Variants in UBAP2 observed in about 807,000 individuals in gnomAD.
UBAP2 encodes the protein ubiquitin-associated protein 2.
Under a neutral mutation model 139.6 loss-of-function variants are expected in UBAP2, and 75 were observed. The ratio of observed to expected loss-of-function variants is 0.54; its 90% CI spans 0.45 to 0.65. The LOEUF is 0.65. Among genes scored for constraint, UBAP2 ranks in the 30% least tolerant of loss-of-function variants. The probability of loss-of-function intolerance (pLI) is 0.00; values close to 1 mark genes in which losing one functional copy is unlikely to be tolerated. For missense variants in UBAP2, 1,368 were observed against 1,369.6 expected (o/e 1.00, Z 0.02); for synonymous variants, 526 against 526.2 (o/e 1.00, Z 0.01).
chr9:33,929,032 G>A (rs13287325), intron 19 of UBAP2, among the ~76,000 whole-genome samples: 17,015 of 152,140 alleles, frequency 0.11, 1,311 homozygotes, highest in Non-Finnish European at 0.16. Context: ...GCTCCAAGGC[G>A]TCTTGTTCCT....
chr9:33,938,633 C>A (rs1345635676), intron 16 of UBAP2, among the ~76,000 whole-genome samples: 1 of 151,890 alleles, frequency 6.6e-6, no homozygotes, highest in Non-Finnish European at 1.5e-5. Context: ...CCTGTCTCTA[C>A]TAAAAATACA....
rs199686348 is a variant in UBAP2, at chr9:33,923,904, G to A, written c.2687C>T (p.Thr896Ile). ...AGGATTCACGAAGGGCTGCTGGGCT[G>A]TGTGGTGGGTCTGTGATTGGCTCTG... Reference protein sequence around the residue: ...PQQSQSQTHHTAQQPFVNPAL... With the variant: ...PQQSQSQTHHIAQQPFVNPAL... The change falls in exon 24 of 29, where the codon ACA (threonine) becomes ATA (isoleucine). Residue 896 changes from threonine (T) to isoleucine (I), a missense_variant. Coordinates refer to ENST00000379238, the MANE Select transcript of UBAP2 (RefSeq NM_001370062.2). 139 of 1,614,108 alleles carry A rather than the reference G, an allele frequency of 8.6e-5. 2 individuals are homozygous for A. The highest frequency in any genetic ancestry group is 3.4e-6 in the Non-Finnish European group (4 of 1,180,040).
At chr9:33,926,926 G>C in intron 21 of UBAP2, 63 bp downstream of exon 21, 1 of 1,537,974 alleles carries the variant, frequency 6.5e-7, no homozygotes, top group Non-Finnish European at 9.0e-7. Flanking sequence ...CCAGGTTCCT[G>C]CCAGGTGCCA....
At chr9:34,022,685 A>G (rs1427899227) in intron 1 of UBAP2, among the ~76,000 whole-genome samples, 1 of 151,824 alleles carries the variant, frequency 6.6e-6, no homozygotes, top group Non-Finnish European at 1.5e-5. Context: ...GTGATCCACC[A>G]GCCTCAGCCT....
chr9:33,931,393 A>G (rs542161313), intron 19 of UBAP2, among the ~76,000 whole-genome samples: 36 of 152,208 alleles, frequency 2.4e-4, no homozygotes, highest in Non-Finnish European at 4.7e-4. Context: ...GCAGGCTGGA[A>G]TACATGGTCT....
At chr9:33,968,142 A>T in intron 8 of UBAP2, 1 of 571,454 alleles carries the variant, frequency 1.7e-6, no homozygotes, top group South Asian at 1.4e-5. Context: ...AACAGGACAC[A>T]GACAAATCCA....
chr9:34,047,840 C>A (rs773413060), intron 1 of UBAP2, among the ~76,000 whole-genome samples: 1 of 152,198 alleles, frequency 6.6e-6, no homozygotes, highest in Non-Finnish European at 1.5e-5. Context: ...TTTTTAAAAT[C>A]TCTCAACTGT....
At position 33,922,460 on chromosome 9, in the gene UBAP2, T is replaced by G; in HGVS notation, c.*44A>C. The G allele has an allele frequency of 6.3e-7, 1 of 1,584,468 alleles. No individual in the cohort carries two copies. Among genetic ancestry groups the G allele is most frequent in the East Asian group, 2.3e-5 (1 of 44,148 alleles). On this transcript the variant is annotated 3_prime_UTR_variant, in exon 29 of 29. Coordinates refer to ENST00000379238, the MANE Select transcript of UBAP2 (RefSeq NM_001370062.2). ...AAATACGTGCTCGTGTGTTCTCTCC[T>G]GCCCAGGATAAGCCTTGCCCCAGCC...
intron 2 of UBAP2, among the ~76,000 whole-genome samples, chr9:34,016,575 G>A (rs1187867777): frequency 6.8e-6 from 1 of 146,518 alleles, no homozygotes; most frequent in Non-Finnish European, 1.5e-5. Context: ...TTTTTTTTTA[G>A]GAAGGAGTCT....
At chr9:34,036,106 T>C (rs1826341296) in intron 1 of UBAP2, among the ~76,000 whole-genome samples, 1 of 151,990 alleles carries the variant, frequency 6.6e-6, no homozygotes, top group Non-Finnish European at 1.5e-5. Flanking sequence ...TTCAGGAATT[T>C]GATACTTTTT....
At chr9:33,981,689 C>T (rs1168641461) in intron 6 of UBAP2, among the ~76,000 whole-genome samples, 1 of 151,624 alleles carries the variant, frequency 6.6e-6, no homozygotes, top group Admixed American at 6.6e-5. Context: ...TATAGAACTG[C>T]TTGAGTTCAT....
At chr9:33,923,508 G>A in intron 24 of UBAP2, 30 bp from the exon 25 acceptor site, 5 of 1,606,360 alleles carry the variant, frequency 3.1e-6, no homozygotes, top group Non-Finnish European at 4.3e-6. Flanking sequence ...AGGTATTAGT[G>A]TAGGAAGAGG....
intron 22 of UBAP2, among the ~76,000 whole-genome samples, chr9:33,924,921 C>T (rs1823288551): frequency 6.6e-6 from 1 of 152,210 alleles, no homozygotes; most frequent in Admixed American, 6.5e-5. Context: ...AGCTCATCAG[C>T]TATCTTTAAT....
rs1826528930 is a variant in UBAP2, at chr9:33,955,978, G to A, written c.866+101C>T. ...TAAAAGTTAGCCTTGGATAAAAAGGGAAAAAATAGAAAGAGACCCAAAAAT... is the reference window on the plus strand; with the variant it reads ...TAAAAGTTAGCCTTGGATAAAAAGGAAAAAAATAGAAAGAGACCCAAAAAT... On this transcript the variant is annotated intron_variant, in intron 11 of 28. Coordinates refer to ENST00000379238, the MANE Select transcript of UBAP2 (RefSeq NM_001370062.2). 12 of 897,500 alleles carry A rather than the reference G, an allele frequency of 1.3e-5. No homozygotes were observed. The South Asian group carries it at 2.1e-4, about 16-fold the overall frequency. 55.6% of individuals were successfully genotyped at this position (897,500 alleles called of 1,614,324 possible).
At chr9:33,924,356 G>C (rs918026131) in intron 22 of UBAP2, 72 bp from the exon 23 acceptor site, 1 of 1,462,722 alleles carries the variant, frequency 6.8e-7, no homozygotes, top group East Asian at 2.3e-5. Flanking sequence ...ACCAGCACAT[G>C]GAAGTGGTGA....
chr9:33,996,159 G>T, intron 4 of UBAP2, 64 bp downstream of exon 4: 1 of 1,284,506 alleles, frequency 7.8e-7, no homozygotes, highest in Non-Finnish European at 1.1e-6. Flanking sequence ...ACAAGGTGAA[G>T]TTGAAAATGT....
At chr9:34,044,541 G>A (rs1310544991) in intron 1 of UBAP2, among the ~76,000 whole-genome samples, 1 of 151,976 alleles carries the variant, frequency 6.6e-6, no homozygotes, top group Non-Finnish European at 1.5e-5. Context: ...CAGCCTGGGC[G>A]ACAGAGAAAG....
chr9:33,936,976 T>C (rs1587523565), intron 16 of UBAP2, among the ~76,000 whole-genome samples: 2 of 140,388 alleles, frequency 1.4e-5, no homozygotes, highest in South Asian at 2.4e-4. Flanking sequence ...CCTCTACCAA[T>C]TGAAGGAATT....
At chr9:33,929,864 C>T (rs920278045) in intron 19 of UBAP2, among the ~76,000 whole-genome samples, 8 of 151,976 alleles carry the variant, frequency 5.3e-5, no homozygotes, top group African/African-American at 1.9e-4. Context: ...ATTAGCTGGG[C>T]CTGGTGGCGT....
Sources: allele counts gnomAD v4.1 joint callset (sites outside exome capture counted in the v4.1 genomes callset), GRCh38; gene constraint gnomAD v4.1.1; transcripts MANE v1.5; gene names NCBI Gene and HGNC (gene_info 2026-07-23, HGNC 2026-07-21).